The following MAST4 variants were observed in gnomAD, a reference collection of about 807,000 sequenced individuals.
MAST4 encodes the protein microtubule associated serine/threonine kinase family member 4, also known as microtubule-associated serine/threonine-protein kinase 4.
MAST4 carries 89 observed loss-of-function variants against 162.7 expected under a neutral mutation model. The ratio of observed to expected loss-of-function variants is 0.55; its 90% CI spans 0.46 to 0.65. The LOEUF (loss-of-function observed/expected upper bound fraction) is 0.65, where lower values mean the gene tolerates loss of function less well. Among genes scored for constraint, MAST4 ranks in the 30% least tolerant of loss-of-function variants. The pLI, the probability that MAST4 is intolerant of heterozygous loss-of-function variation, is 0.00. For missense variants in MAST4, 3,153 were observed against 3,374.0 expected (o/e 0.93, Z 1.62); for synonymous variants, 1,479 against 1,361.1 (o/e 1.09, Z -1.91).
Position 67,133,526 on chromosome 5 carries a change from C to T in MAST4, c.2106C>T (p.Thr702=). 1.2e-6 allele frequency: 2 copies of T among 1,612,996 alleles called. No individual in the cohort carries two copies. Among genetic ancestry groups the T allele is most frequent in the Non-Finnish European group, 1.7e-6 (2 of 1,179,166 alleles). Residue 702 remains threonine, a synonymous_variant, in exon 17 of 29, where the codon ACC becomes ACT. Transcript: ENST00000403625. ...RDLKPDNLLV[T]SMGHIKLTDF... ...GTCTGCCTCATAGCTTGTTGGTTAC[C>T]TCCATGGGGCACATAAAGCTGACAG...
At chr5:66,800,121 C>A (rs918555648) in intron 3 of MAST4, among the ~76,000 whole-genome samples, 1 of 152,164 alleles carries the variant, frequency 6.6e-6, no homozygotes, top group Non-Finnish European at 1.5e-5. Flanking sequence ...TGACGATAAG[C>A]TTTTCTATGA....
intron 4 of MAST4, among the ~76,000 whole-genome samples, chr5:66,907,204 A>AGAGT (rs1554066769): frequency 3.5e-5 from 3 of 86,486 alleles, no homozygotes; most frequent in Non-Finnish European, 7.6e-5. Context: ...AGAGAGAGAG[A>AGAGT]GAGTCCTGCT....
intron 1 of MAST4, among the ~76,000 whole-genome samples, chr5:66,676,546 C>T (rs930763940): frequency 2.0e-5 from 3 of 152,092 alleles, no homozygotes; most frequent in Admixed American, 6.5e-5. Flanking sequence ...CCTGGGAATA[C>T]GAATTCATCA....
chr5:66,913,749 C>T (rs957053354), intron 4 of MAST4, among the ~76,000 whole-genome samples: 9 of 152,152 alleles, frequency 5.9e-5, no homozygotes, highest in Non-Finnish European at 1.0e-4. Context: ...ATGTTTTCTT[C>T]CAGAAGTTTT....
At chr5:66,973,724 T>C (rs1340360391) in intron 4 of MAST4, among the ~76,000 whole-genome samples, 5 of 152,172 alleles carry the variant, frequency 3.3e-5, no homozygotes, top group African/African-American at 1.2e-4. Flanking sequence ...TTTGTCACAG[T>C]TGTTTATTTC....
chr5:66,762,034 C>T (rs895402512), intron 2 of MAST4, among the ~76,000 whole-genome samples: 36 of 152,276 alleles, frequency 2.4e-4, no homozygotes, highest in African/African-American at 8.2e-4. Context: ...TTACATAAAG[C>T]TTTAAAATAA....
At chr5:66,821,519 A>G (rs1291649133) in intron 3 of MAST4, among the ~76,000 whole-genome samples, 1 of 152,188 alleles carries the variant, frequency 6.6e-6, no homozygotes, top group Non-Finnish European at 1.5e-5. Flanking sequence ...TATCTGGTTC[A>G]TTTGTATGTT....
rs138697104 is a variant in MAST4 at position 66,708,921 on chromosome 5, G to T, written c.364-50788G>T. On this transcript the variant is annotated intron_variant, in intron 1 of 28. Coordinates refer to ENST00000403625, the MANE Select transcript of MAST4 (RefSeq NM_001164664.2). Reference sequence around the variant, plus strand: ...AATGGGCAAATGGGATAGAAAATCAGTCGGTAATAAGAATTTTATATTGAG... The same window carrying T: ...AATGGGCAAATGGGATAGAAAATCATTCGGTAATAAGAATTTTATATTGAG... Among the ~76,000 whole-genome samples the T allele has an allele frequency of 6.7e-4, 102 of 152,236 alleles. 1 individual carries two copies. Among genetic ancestry groups the T allele is most frequent in the South Asian group, 3.3e-3 (16 of 4,826 alleles).
intron 1 of MAST4, among the ~76,000 whole-genome samples, chr5:66,702,267 T>C (rs1700625948): frequency 6.6e-6 from 1 of 152,166 alleles, no homozygotes; most frequent in Admixed American, 6.5e-5. Flanking sequence ...TTCACTCTTG[T>C]TTTTATTCAC....
chr5:66,959,699 G>T lies in MAST4; in HGVS notation c.674+59717G>T, dbSNP rs367964846. Among the ~76,000 whole-genome samples the T allele has an allele frequency of 4.7e-4, 71 of 152,314 alleles. 2 individuals are homozygous for T. In the South Asian group the frequency reaches 0.015, roughly 31 times the overall value. ...ATAGAAGACATTACAATGGATTAGA[G>T]TGCAAGAGAAGGGTTATTTGTGACG... On this transcript the variant is annotated intron_variant, in intron 4 of 28. Transcript: ENST00000403625.
chr5:67,063,323 A>T (rs1361903267), intron 5 of MAST4, among the ~76,000 whole-genome samples: 2 of 152,208 alleles, frequency 1.3e-5, no homozygotes, highest in African/African-American at 2.4e-5. Flanking sequence ...CAAGTCAATA[A>T]TCGGGTGTAT....
chr5:66,643,928 A>C lies in MAST4; in HGVS notation c.363+46910A>C, dbSNP rs548491241. Among the ~76,000 whole-genome samples the C allele has an allele frequency of 9.3e-5, 14 of 149,788 alleles. 1 individual carries two copies. In the South Asian group the frequency reaches 2.3e-3, roughly 25 times the overall value. The stretch of plus-strand genomic sequence containing the variant: ...CATTTGGGTGACCCAAATAGCCTTC[A>C]GAAGTATAAAATGAATTTTGATCAA... On this transcript the variant is annotated intron_variant, in intron 1 of 28. Coordinates refer to ENST00000403625, the MANE Select transcript of MAST4 (RefSeq NM_001164664.2).
At chr5:66,845,437 C>A (rs1394377515) in intron 3 of MAST4, among the ~76,000 whole-genome samples, 1 of 151,956 alleles carries the variant, frequency 6.6e-6, no homozygotes, top group Non-Finnish European at 1.5e-5. Flanking sequence ...CTACAAAGGA[C>A]ATGAACTCAT....
chr5:66,743,100 G>A (rs1179544601), intron 1 of MAST4, among the ~76,000 whole-genome samples: 3 of 152,228 alleles, frequency 2.0e-5, no homozygotes, highest in South Asian at 2.1e-4. Flanking sequence ...GTCTTTGTTC[G>A]AATGCCACAT....
At chr5:66,835,555 A>G (rs1449436809) in intron 3 of MAST4, among the ~76,000 whole-genome samples, 1 of 152,208 alleles carries the variant, frequency 6.6e-6, no homozygotes, top group Non-Finnish European at 1.5e-5. Context: ...AAAGAATGAC[A>G]AAAGACAAAG....
chr5:67,146,436 G>A (rs1435405094), intron 23 of MAST4, among the ~76,000 whole-genome samples: 1 of 152,142 alleles, frequency 6.6e-6, no homozygotes, highest in East Asian at 1.9e-4. Flanking sequence ...TAGAGTATGT[G>A]CATTTATGCT....
chr5:66,778,589 A>G (rs965043217), intron 2 of MAST4, among the ~76,000 whole-genome samples: 2 of 152,236 alleles, frequency 1.3e-5, no homozygotes, highest in South Asian at 2.1e-4. Flanking sequence ...AAGGTCAAAT[A>G]TATTTCTCTT....
chr5:66,742,381 G>A (rs4699891), intron 1 of MAST4, among the ~76,000 whole-genome samples: 46,364 of 151,968 alleles, frequency 0.31, 7,741 homozygotes, highest in Non-Finnish European at 0.37. Flanking sequence ...AGGGGGAAAG[G>A]AAACAGAATT....
intron 11 of MAST4, among the ~76,000 whole-genome samples, chr5:67,113,446 C>G (rs186249748): frequency 1.5e-4 from 22 of 150,886 alleles, no homozygotes; most frequent in Admixed American, 1.3e-3. Context: ...CACATACACA[C>G]AAAAAATTAA....
Sources: allele counts gnomAD v4.1 joint callset (sites outside exome capture counted in the v4.1 genomes callset), GRCh38; gene constraint gnomAD v4.1.1; transcripts MANE v1.5; gene names NCBI Gene and HGNC (gene_info 2026-07-23, HGNC 2026-07-21).